The following FRMPD4 variants were observed in gnomAD, a reference collection of about 807,000 sequenced individuals.
FRMPD4 encodes the protein FERM and PDZ domain-containing protein 4.
Under a neutral mutation model 94.1 loss-of-function variants are expected in FRMPD4, and 22 were observed. The ratio of observed to expected loss-of-function variants is 0.23; its 90% confidence interval spans 0.17 to 0.33. The LOEUF (loss-of-function observed/expected upper bound fraction) is 0.33. Among genes scored for constraint, FRMPD4 ranks in the 10% least tolerant of loss-of-function variants. The pLI, the probability that FRMPD4 is intolerant of heterozygous loss-of-function variation, is 1.00. For missense variants in FRMPD4, 1,111 were observed against 1,339.9 expected, an observed-to-expected ratio of 0.83 and a Z score of 2.67; for synonymous variants, 631 against 548.6, an observed-to-expected ratio of 1.15 and a Z score of -2.10.
intron 3 of FRMPD4, among the ~76,000 whole-genome samples, chrX:11,951,532 G>A (rs995541777): frequency 7.1e-5 from 8 of 111,889 alleles, no homozygotes; most frequent in African/African-American, 2.6e-4. Context: ...ATAAGTGGAA[G>A]CTAAATGATG....
chrX:12,178,766 C>T (rs1324969585), intron 1 of FRMPD4, among the ~76,000 whole-genome samples: 6 of 111,321 alleles, frequency 5.4e-5, no homozygotes, highest in African/African-American at 2.0e-4. Context: ...AAGGGCAACT[C>T]CTGCAGGCTG....
rs1317554677 is a variant in FRMPD4, at chrX:12,190,238, G to C, written c.41+51226G>C. ...TGGAATAAATGAAGAGATATCCCAT[G>C]TTCTTGGATAGGAAGACTTAATATT... On this transcript the variant is annotated intron_variant, in intron 1 of 16. Transcript: ENST00000675598. Among the ~76,000 whole-genome samples the C allele has an allele frequency of 7.2e-5, 8 of 111,583 alleles. No homozygotes were observed. In the Admixed American group the frequency reaches 7.6e-4, roughly 11 times the overall value.
intron 1 of FRMPD4, among the ~76,000 whole-genome samples, chrX:12,412,766 A>G (rs769778399): frequency 8.9e-6 from 1 of 111,938 alleles, no homozygotes; most frequent in South Asian, 3.7e-4. Flanking sequence ...ATAGGCACAT[A>G]GTGTACAAAA....
At chrX:12,580,756 A>G (rs1172657359) in intron 2 of FRMPD4, among the ~76,000 whole-genome samples, 2 of 111,676 alleles carry the variant, frequency 1.8e-5, no homozygotes, top group African/African-American at 6.5e-5. Flanking sequence ...TTATTGAGCC[A>G]TGACACTGTT....
At chrX:12,118,683 G>T in intron 3 of FRMPD4, among the ~76,000 whole-genome samples, 1 of 111,644 alleles carries the variant, frequency 9.0e-6, no homozygotes, top group Middle Eastern at 4.6e-3. Context: ...GCCTTTGGCT[G>T]GGAAGCATTT....
rs2057822279 is a variant in FRMPD4, at chrX:12,494,249, A to G, written c.42-4431A>G. On this transcript the variant is annotated intron_variant, in intron 1 of 16. Transcript: ENST00000675598. ...ATTGCCATTTTGGCCAGATAGTTCT[A>G]TCTTTTGAGGGGCTGTCCTGTGTGT... Among the ~76,000 whole-genome samples the G allele has an allele frequency of 2.7e-5, 3 of 111,629 alleles. No homozygotes were observed. In the South Asian group the frequency reaches 1.1e-3, roughly 42 times the overall value.
intron 3 of FRMPD4, among the ~76,000 whole-genome samples, chrX:12,081,669 G>C (rs1047979393): frequency 1.8e-5 from 2 of 111,403 alleles, no homozygotes; most frequent in African/African-American, 6.5e-5. Flanking sequence ...ATTCCAATGG[G>C]GAGGGAGAAA....
At chrX:11,926,258 CAAAAAAAAAAAAAA>C (rs763084115) in intron 3 of FRMPD4, among the ~76,000 whole-genome samples, 1 of 30,712 alleles carries the variant, frequency 3.3e-5, no homozygotes, top group Non-Finnish European at 5.5e-5. Flanking sequence ...GCTTACCAAC[CAAAAAAAAAAAAAA>C]AAAAAAAAAA....
chrX:12,071,420 AACT>A (rs1230175367), intron 3 of FRMPD4, among the ~76,000 whole-genome samples: 1 of 111,987 alleles, frequency 8.9e-6, no homozygotes. Context: ...ATCTTTGCAG[AACT>A]TAACTCTTTA....
At chrX:12,231,002 AATATATAGTATATATAGTAT>A (rs1183426371) in intron 1 of FRMPD4, among the ~76,000 whole-genome samples, 4 of 50,770 alleles carry the variant, frequency 7.9e-5, no homozygotes, top group Non-Finnish European at 1.5e-4. Context: ...TAGTATATAT[AATATATAGTATATATAGTAT>A]ATATATAGTA....
At chrX:11,999,099 A>G (rs1008016383) in intron 3 of FRMPD4, among the ~76,000 whole-genome samples, 3 of 111,621 alleles carry the variant, frequency 2.7e-5, no homozygotes, top group African/African-American at 9.8e-5. Flanking sequence ...TCTGACCGCT[A>G]TTGTATAAGG....
rs190890403 is a variant in FRMPD4, at chrX:12,013,009, G to A, written c.95+134991G>A. 3.4e-3 allele frequency among the ~76,000 whole-genome samples: 382 copies of A among 111,710 alleles called. 1 individual carries two copies. Among genetic ancestry groups the A allele is most frequent in the Non-Finnish European group, 6.1e-3 (323 of 53,087 alleles). ...TTGACAGCATAAGTAGGTAGTATGT[G>A]AATCCTAGAGGTCTTCCCATAATGT... is the stretch of plus-strand genomic sequence containing the variant. On this transcript the variant is annotated intron_variant, in intron 3 of 18. Coordinates refer to the FRMPD4 transcript ENST00000640291.
At chrX:12,005,162 C>T (rs767950782) in intron 3 of FRMPD4, among the ~76,000 whole-genome samples, 1 of 110,762 alleles carries the variant, frequency 9.0e-6, no homozygotes, top group East Asian at 2.9e-4. Flanking sequence ...TATCCACAGT[C>T]TGAAGTGGGG....
At chrX:12,109,935 A>C (rs2055340870) in intron 3 of FRMPD4, among the ~76,000 whole-genome samples, 1 of 111,897 alleles carries the variant, frequency 8.9e-6, no homozygotes, top group South Asian at 3.8e-4. Context: ...TTAATAGCCT[A>C]CCAACCAAAA....
intron 9 of FRMPD4, among the ~76,000 whole-genome samples, chrX:12,698,296 T>TA (rs746860683): frequency 1.8e-5 from 2 of 111,984 alleles, no homozygotes; most frequent in Admixed American, 1.9e-4. Flanking sequence ...CAATAAATGC[T>TA]AATAGTCCAG....
At chrX:12,179,453 C>T (rs1358683814) in intron 1 of FRMPD4, among the ~76,000 whole-genome samples, 1 of 111,676 alleles carries the variant, frequency 9.0e-6, no homozygotes, top group Non-Finnish European at 1.9e-5. Flanking sequence ...GCATCTGAAT[C>T]ACAAGAGAGT....
intron 3 of FRMPD4, among the ~76,000 whole-genome samples, chrX:11,951,563 G>A (rs1339155811): frequency 1.8e-5 from 2 of 111,659 alleles, no homozygotes; most frequent in African/African-American, 6.5e-5. Context: ...GACACATAGA[G>A]GGGAACAACA....
chrX:12,474,854 T>G (rs2057572072), intron 1 of FRMPD4, among the ~76,000 whole-genome samples: 1 of 111,344 alleles, frequency 9.0e-6, no homozygotes, highest in Admixed American at 9.6e-5. Context: ...AGGACCCAGA[T>G]GGATTCACAG....
At chrX:11,884,003 T>A (rs770714219) in intron 3 of FRMPD4, among the ~76,000 whole-genome samples, 3 of 111,811 alleles carry the variant, frequency 2.7e-5, no homozygotes, top group Non-Finnish European at 5.6e-5. Flanking sequence ...AACAAATGGA[T>A]GTCCTTTCTT....
Sources: allele counts gnomAD v4.1 joint callset (sites outside exome capture counted in the v4.1 genomes callset), GRCh38; gene constraint gnomAD v4.1.1; transcripts MANE v1.5; gene names NCBI Gene and HGNC (gene_info 2026-07-23, HGNC 2026-07-21).